SLCO3A1: variants seen among roughly 807,000 people sequenced by gnomAD.
SLCO3A1 encodes the protein solute carrier organic anion transporter family member 3A1, also known as PGE1 transporter.
In SLCO3A1, 27 loss-of-function variants were observed where a neutral mutation model predicts 63.1. The observed-to-expected ratio is 0.43, with a 90% CI of 0.32 to 0.59. The LOEUF is 0.59. SLCO3A1 is among the 20% of genes least tolerant of loss of function. The probability of loss-of-function intolerance (pLI) is 0.09; values close to 1 mark genes in which losing one functional copy is unlikely to be tolerated. For missense variants in SLCO3A1, 773 were observed against 945.8 expected (o/e 0.82, Z 2.40); for synonymous variants, 473 against 409.9 (o/e 1.15, Z -1.86).
At chr15:92,055,774 G>C (rs889729198) in intron 2 of SLCO3A1, among the ~76,000 whole-genome samples, 1 of 152,250 alleles carries the variant, frequency 6.6e-6, no homozygotes, top group African/African-American at 2.4e-5. Context: ...TTGAATCGAG[G>C]TTATCAGGAA....
rs1467422393 is a variant in SLCO3A1 at position 92,163,994 on chromosome 15, A to G, written c.*859A>G. 1 of 985,220 alleles carries G rather than the reference A, an allele frequency of 1.0e-6. No homozygotes were observed. The highest frequency in any genetic ancestry group is 1.2e-6 in the Non-Finnish European group (1 of 829,948). 61.0% of individuals were successfully genotyped at this position (985,220 alleles called of 1,614,324 possible). ...AGCTGGTGAGACCCAACGCAGTCCA[A>G]GTCATTTGCTTACATTTGCCAAAAA... On this transcript the variant is annotated 3_prime_UTR_variant, in exon 10 of 10. Coordinates refer to ENST00000318445, the MANE Select transcript of SLCO3A1 (RefSeq NM_013272.4).
Position 91,865,748 on chromosome 15 carries a change from C to T in SLCO3A1, c.180+11660C>T, listed in dbSNP as rs1006253641. On this transcript the variant is annotated intron_variant, in intron 1 of 9. Transcript: ENST00000318445. This position sits in a 1 kb window ranked among gnomAD's most constrained non-coding sequence, Gnocchi z 4.6. The stretch of plus-strand genomic sequence containing the variant: ...TTGGATTAGGGCTCACCCTAATGAC[C>T]TCATGTGACTAGCTTACATCTGCTA... 3.3e-5 allele frequency among the ~76,000 whole-genome samples: 5 copies of T among 152,196 alleles called. No individual in the cohort carries two copies. The highest frequency in any genetic ancestry group is 7.3e-5 in the Non-Finnish European group (5 of 68,032).
At chr15:92,139,812 C>G (rs763399099) in intron 7 of SLCO3A1, among the ~76,000 whole-genome samples, 1 of 151,062 alleles carries the variant, frequency 6.6e-6, no homozygotes, top group East Asian at 2.0e-4. Context: ...TCTGGGGGAT[C>G]GGTGGTGATA....
chr15:92,158,472 G>T (rs919470394), intron 9 of SLCO3A1, among the ~76,000 whole-genome samples: 3 of 152,200 alleles, frequency 2.0e-5, no homozygotes. Context: ...GGGGCAGGGG[G>T]AGTGGTTATG....
intron 2 of SLCO3A1, among the ~76,000 whole-genome samples, chr15:92,080,880 T>C (rs995628451): frequency 6.6e-6 from 1 of 151,902 alleles, no homozygotes; most frequent in Non-Finnish European, 1.5e-5. Flanking sequence ...TGTGCCCAGA[T>C]GCATTTTTTT....
At chr15:91,861,268 G>T (rs541238502) in intron 1 of SLCO3A1, among the ~76,000 whole-genome samples, 14 of 152,174 alleles carry the variant, frequency 9.2e-5, no homozygotes, top group Non-Finnish European at 2.1e-4. Context: ...GAGCAAGCCA[G>T]GGGAGCCTTC....
At chr15:91,961,712 T>C (rs967815852) in intron 2 of SLCO3A1, among the ~76,000 whole-genome samples, 2 of 152,344 alleles carry the variant, frequency 1.3e-5, no homozygotes, top group African/African-American at 4.8e-5. Context: ...CTGCCACCTT[T>C]ACTCTTAGTC....
At chr15:92,066,526 A>G (rs1257750396) in intron 2 of SLCO3A1, among the ~76,000 whole-genome samples, 1 of 152,252 alleles carries the variant, frequency 6.6e-6, no homozygotes, top group East Asian at 1.9e-4. Context: ...TATCTGGTTT[A>G]TTGCAAGAAA....
Position 91,885,717 on chromosome 15 carries a change from C to G in SLCO3A1, c.181-30276C>G, listed in dbSNP as rs939012236. 6.6e-6 allele frequency among the ~76,000 whole-genome samples: 1 copy of G among 152,210 alleles called. No individual in the cohort carries two copies. The highest frequency in any genetic ancestry group is 1.5e-5 in the Non-Finnish European group (1 of 68,036). On this transcript the variant is annotated intron_variant, in intron 1 of 9. Transcript: ENST00000318445. The surrounding 1 kb of genome is among the most constrained non-coding windows in gnomAD (Gnocchi z 4.7). Reference sequence around the variant, plus strand: ...CCTGCTGTGAGCAGACACATACATGCGGTCTGACAATTCAGATCCCTTCGC... The same window carrying G: ...CCTGCTGTGAGCAGACACATACATGGGGTCTGACAATTCAGATCCCTTCGC...
rs1900742332 is a variant in SLCO3A1, at chr15:91,968,559, C to G, written c.646+52101C>G. Among the ~76,000 whole-genome samples, 1 of 152,096 alleles carries G rather than the reference C, an allele frequency of 6.6e-6. No homozygotes were observed. Among genetic ancestry groups the G allele is most frequent in the African/African-American group, 2.4e-5 (1 of 41,420 alleles). On this transcript the variant is annotated intron_variant, in intron 2 of 9. Coordinates refer to ENST00000318445, the MANE Select transcript of SLCO3A1 (RefSeq NM_013272.4). This position sits in a 1 kb window ranked among gnomAD's most constrained non-coding sequence, Gnocchi z 4.2. ...CCGTGGGGACCAGTGGCATCAAATT[C>G]TGGTGCTAACAAAGGAAGTTCCATC...
chr15:92,030,092 C>T (rs1431023708), intron 2 of SLCO3A1, among the ~76,000 whole-genome samples: 2 of 152,210 alleles, frequency 1.3e-5, no homozygotes, highest in Non-Finnish European at 2.9e-5. Context: ...GCTCTGCCCA[C>T]GTTCCTACCA....
intron 4 of SLCO3A1, among the ~76,000 whole-genome samples, chr15:92,109,734 A>G (rs1271822281): frequency 6.6e-6 from 1 of 152,034 alleles, no homozygotes; most frequent in Non-Finnish European, 1.5e-5. Context: ...CCACCACCCA[A>G]ATCTAGGAGA....
chr15:91,929,441 C>T (rs1054345254), intron 2 of SLCO3A1, among the ~76,000 whole-genome samples: 1 of 152,160 alleles, frequency 6.6e-6, no homozygotes, highest in Non-Finnish European at 1.5e-5. Context: ...TGAGGGACCA[C>T]GTGTTCCATG....
At chr15:91,978,007 G>T (rs7182285) in intron 2 of SLCO3A1, among the ~76,000 whole-genome samples, 2 of 152,186 alleles carry the variant, frequency 1.3e-5, no homozygotes, top group African/African-American at 4.8e-5. Context: ...TATTGACTCA[G>T]ATCCTGAATA....
intron 1 of SLCO3A1, among the ~76,000 whole-genome samples, chr15:91,911,634 A>AT (rs913568220): frequency 1.6e-4 from 24 of 150,266 alleles, no homozygotes; most frequent in Middle Eastern, 3.4e-3. Flanking sequence ...AGATATTTAG[A>AT]TTTTTTTTTT....
At position 91,854,558 on chromosome 15, in the gene SLCO3A1, C is replaced by T. The variant is rs1385982847; in HGVS notation, c.180+470C>T. ...GAACAAATCTATTATGCATCATTTT[C>T]TCCGGGCGCTTTCTACATCCGCCAA... is the stretch of plus-strand genomic sequence containing the variant. On this transcript the variant is annotated intron_variant, in intron 1 of 9. Coordinates refer to ENST00000318445, the MANE Select transcript of SLCO3A1 (RefSeq NM_013272.4). This position sits in a 1 kb window ranked among gnomAD's most constrained non-coding sequence, Gnocchi z 6.4. The T allele has an allele frequency of 1.6e-5, 3 of 188,522 alleles. No individual in the cohort carries two copies. Among genetic ancestry groups the T allele is most frequent in the African/African-American group, 7.1e-5 (3 of 42,122 alleles). 11.7% of individuals were successfully genotyped at this position (188,522 alleles called of 1,614,324 possible). A position where few individuals can be genotyped will look rare whatever the true frequency, so the allele number is the denominator to read the frequency against.
chr15:91,940,272 C>T (rs1469736985), intron 2 of SLCO3A1, among the ~76,000 whole-genome samples: 1 of 152,108 alleles, frequency 6.6e-6, no homozygotes, highest in African/African-American at 2.4e-5. Context: ...CTGATACCTG[C>T]CCTTTCTGAT....
At chr15:91,975,247 C>G (rs78362975) in intron 2 of SLCO3A1, among the ~76,000 whole-genome samples, 1 of 149,420 alleles carries the variant, frequency 6.7e-6, no homozygotes, top group Non-Finnish European at 1.5e-5. Context: ...AATTGGCTGA[C>G]AGGTGCGCAT....
downstream of SLCO3A1, among the ~76,000 whole-genome samples, chr15:92,170,440 A>G (rs927686242): frequency 6.6e-6 from 1 of 152,138 alleles, no homozygotes; most frequent in African/African-American, 2.4e-5. Context: ...ATTCTTTTCC[A>G]CTTCACAGGT....
Sources: gnomAD v4.1 joint callset for allele counts (sites outside exome capture counted in the v4.1 genomes callset) on GRCh38, gnomAD v4.1.1 for gene constraint, Gnocchi (gnomAD v3.1) non-coding constraint, MANE v1.5 for transcripts, NCBI Gene and HGNC (gene_info 2026-07-23, HGNC 2026-07-21) for gene names.